The following PRDM1 variants were observed in gnomAD, a reference collection of about 807,000 sequenced individuals.
PRDM1 encodes PR domain zinc finger protein 1.
PRDM1 carries 13 observed loss-of-function variants against 62.8 expected under a neutral mutation model. That is an observed-to-expected ratio of 0.21 (90% CI 0.13 to 0.33). PRDM1 has a LOEUF of 0.33. Among genes scored for constraint, PRDM1 ranks in the 10% least tolerant of loss-of-function variants. The pLI, the probability that PRDM1 is intolerant of heterozygous loss-of-function variation, is 1.00. For synonymous variants in PRDM1, 396 were observed against 417.6 expected (o/e 0.95, Z 0.63); for missense variants, 895 against 1,058.8 (o/e 0.85, Z 2.15).
At chr6:106,023,739 C>T (rs1038450849) in intron 1 of PRDM1, among the ~76,000 whole-genome samples, 2 of 152,204 alleles carry the variant, frequency 1.3e-5, no homozygotes, top group African/African-American at 4.8e-5. Context: ...ACAGGCCACA[C>T]TGCTTGTGCT....
upstream of PRDM1, among the ~76,000 whole-genome samples, chr6:106,044,845 G>GT (rs1346200309): frequency 6.6e-6 from 1 of 152,196 alleles, no homozygotes; most frequent in East Asian, 1.9e-4. Context: ...GAAAAAGGCA[G>GT]TGAACGTCAT....
At chr6:106,098,272 A>T (rs1351531292) in intron 3 of PRDM1, 8 of 985,202 alleles carry the variant, frequency 8.1e-6, no homozygotes, top group African/African-American at 3.5e-5. Flanking sequence ...GGTACCTCCT[A>T]AAAAGAGGGG....
In PRDM1 at chr6:106,021,810, G is replaced by A. The variant is rs565600070; in HGVS notation, c.-67+28171G>A. ...TAATTTTGTATTTTTAGTAGAAACA[G>A]GGTTTCTCCATGTTGGTCAGACTGG... On this transcript the variant is annotated intron_variant, in intron 1 of 6. Coordinates refer to the PRDM1 transcript ENST00000652320. Among the ~76,000 whole-genome samples, 3 of 152,278 alleles carry A rather than the reference G, an allele frequency of 2.0e-5. No individual in the cohort carries two copies. In the East Asian group the frequency reaches 5.8e-4, roughly 29 times the overall value.
At chr6:106,092,957 A>G (rs559068644) in intron 2 of PRDM1, among the ~76,000 whole-genome samples, 3 of 152,200 alleles carry the variant, frequency 2.0e-5, no homozygotes, top group African/African-American at 7.2e-5. Context: ...TATGTAATTG[A>G]AATTTAAAAT....
intron 1 of PRDM1, among the ~76,000 whole-genome samples, chr6:106,025,346 T>C (rs1488974830): frequency 2.0e-5 from 3 of 152,222 alleles, no homozygotes; most frequent in Non-Finnish European, 4.4e-5. Context: ...TAATCCATAG[T>C]ACAAAATAAT....
chr6:106,099,491 T>C lies in PRDM1; in HGVS notation c.603T>C (p.Cys201=), dbSNP rs907335295. ...ACCAGGAACTTCTTGTGTGGTATTGTCGGGACTTTGCAGAAAGGCTTCACT... is the reference window on the plus strand; with the variant it reads ...ACCAGGAACTTCTTGTGTGGTATTGCCGGGACTTTGCAGAAAGGCTTCACT... ...PANQELLVWY[C]RDFAERLHYP... The change falls in exon 4 of 7, where the codon TGT becomes TGC. Residue 201 remains cysteine, a synonymous_variant. Coordinates refer to ENST00000369096, the MANE Select transcript of PRDM1 (RefSeq NM_001198.4). 1 of 1,614,208 alleles carries C rather than the reference T, an allele frequency of 6.2e-7. No homozygotes were observed.
intron 3 of PRDM1, chr6:106,099,059 C>A (rs779542236): frequency 3.1e-6 from 5 of 1,613,812 alleles, no homozygotes; most frequent in Non-Finnish European, 4.2e-6. Flanking sequence ...GTTATTTTCC[C>A]GAACATGAAA....
At chr6:106,033,317 G>GTTTT (rs147098593) in intron 1 of PRDM1, among the ~76,000 whole-genome samples, 1 of 136,256 alleles carries the variant, frequency 7.3e-6, no homozygotes. Context: ...GCTAATATTA[G>GTTTT]TTTTTTTTTT....
At chr6:106,021,615 G>GTTTA (rs553881270) in intron 1 of PRDM1, among the ~76,000 whole-genome samples, 18 of 152,180 alleles carry the variant, frequency 1.2e-4, no homozygotes, top group South Asian at 6.2e-4. Context: ...AAAGTGAAAT[G>GTTTA]TTTATTTATT....
chr6:106,035,113 T>C (rs1234365437), intron 1 of PRDM1, among the ~76,000 whole-genome samples: 1 of 152,236 alleles, frequency 6.6e-6, no homozygotes, highest in Non-Finnish European at 1.5e-5. Flanking sequence ...CTGTTTGTTC[T>C]ATTCTTTATT....
At chr6:106,005,607 C>G (rs916534866) in intron 1 of PRDM1, among the ~76,000 whole-genome samples, 1 of 152,180 alleles carries the variant, frequency 6.6e-6, no homozygotes, top group Admixed American at 6.5e-5. Flanking sequence ...TAAAGCTTGA[C>G]TATGAGTTTC....
In PRDM1 at chr6:105,995,164, T is replaced by C. The variant is rs1412744183; in HGVS notation, c.-67+1525T>C. On this transcript the variant is annotated intron_variant, in intron 1 of 6. Coordinates refer to the PRDM1 transcript ENST00000652320. ...AGGTCTTCGGTTCGTGACAAGTGCA[T>C]AGGTTAGGCTTGCACGGAAGAGGGT... is the stretch of plus-strand genomic sequence containing the variant. Among the ~76,000 whole-genome samples the C allele has an allele frequency of 3.9e-5, 6 of 152,128 alleles. No homozygotes were observed. The East Asian group carries it at 5.8e-4, about 15-fold the overall frequency.
At chr6:106,065,535 A>T (rs1408382785) in intron 1 of PRDM1, among the ~76,000 whole-genome samples, 1 of 152,064 alleles carries the variant, frequency 6.6e-6, no homozygotes, top group Non-Finnish European at 1.5e-5. Flanking sequence ...TATCATTATC[A>T]TGTATCAGTA....
chr6:106,105,414 C>A lies in PRDM1; in HGVS notation c.1254C>A (p.Tyr418Ter). 1 of 1,614,218 alleles carries A rather than the reference C, an allele frequency of 6.2e-7. No individual in the cohort carries two copies. The highest frequency in any genetic ancestry group is 8.5e-7 in the Non-Finnish European group (1 of 1,180,048). The stretch of plus-strand genomic sequence containing the variant: ...ACCCCAAGTTCCTCTTGCCCCCCTA[C>A]GGCATGAATTGTAATGGCCTGAGCG... ...AHYPKFLLPPYGMNCNGLSAV... is the reference protein window; with the variant it reads ...AHYPKFLLPP Residue 418 changes from tyrosine to a stop codon, truncating the protein, a stop_gained, in exon 5 of 7, where the codon TAC becomes TAA. Coordinates refer to ENST00000369096, the MANE Select transcript of PRDM1 (RefSeq NM_001198.4). LOFTEE classifies it high-confidence loss of function.
At chr6:106,014,601 G>A (rs550517382) in intron 1 of PRDM1, among the ~76,000 whole-genome samples, 9 of 151,074 alleles carry the variant, frequency 6.0e-5, no homozygotes, top group African/African-American at 1.5e-4. Flanking sequence ...TGTAACAAAT[G>A]TATTTATTGT....
chr6:106,043,638 C>T (rs1266247086), upstream of PRDM1, among the ~76,000 whole-genome samples: 2 of 151,996 alleles, frequency 1.3e-5, no homozygotes, highest in Non-Finnish European at 2.9e-5. Context: ...CGGGTTCAAG[C>T]GATTCTCCTG....
At position 106,105,942 on chromosome 6, in the gene PRDM1, TGA is replaced by T; in HGVS notation, c.1773+17_1773+18del. 1 of 1,609,194 alleles carries T rather than the reference TGA, an allele frequency of 6.2e-7. No homozygotes were observed. On this transcript the variant is annotated intron_variant, in intron 5 of 6. Transcript: ENST00000369096. ...AGCTCTCCAATCTGAAGGTAGGCCT[TGA>T]GAGAGAGCAGTCCAAGGGGCTGTGA...
At chr6:106,104,703 A>G (rs1240611687) in intron 4 of PRDM1, 122 bp from the exon 5 acceptor site, 8 of 1,251,860 alleles carry the variant, frequency 6.4e-6, no homozygotes, top group Non-Finnish European at 8.9e-6. Context: ...TGGAAGCCAG[A>G]TATGTGGCGA....
intron 1 of PRDM1, among the ~76,000 whole-genome samples, chr6:106,001,431 C>G (rs1160886589): frequency 6.6e-6 from 1 of 152,158 alleles, no homozygotes; most frequent in Admixed American, 6.5e-5. Context: ...AAATTCTCAT[C>G]TAAAAGTTAT....
Sources: allele counts gnomAD v4.1 joint callset (sites outside exome capture counted in the v4.1 genomes callset), GRCh38; gene constraint gnomAD v4.1.1; transcripts MANE v1.5; gene names NCBI Gene and HGNC (gene_info 2026-07-23, HGNC 2026-07-21).